The following AGAP1 variants were observed in gnomAD, a reference collection of about 807,000 sequenced individuals.
AGAP1 encodes arf-GAP with GTPase, ANK repeat and PH domain-containing protein 1.
In AGAP1, 29 loss-of-function variants were observed where a neutral mutation model predicts 105.3. The ratio of observed to expected loss-of-function variants is 0.28; its 90% confidence interval spans 0.21 to 0.38. The LOEUF is 0.38. Among genes scored for constraint, AGAP1 ranks in the 10% least tolerant of loss-of-function variants. The pLI, the probability that AGAP1 is intolerant of heterozygous loss-of-function variation, is 1.00. For missense variants in AGAP1, 998 were observed against 1,165.1 expected (o/e 0.86, Z 2.09); for synonymous variants, 509 against 485.9 (o/e 1.05, Z -0.63).
intron 12 of AGAP1, among the ~76,000 whole-genome samples, chr2:235,939,460 G>A (rs974258576): frequency 6.6e-5 from 10 of 151,966 alleles, no homozygotes; most frequent in East Asian, 1.9e-4. Flanking sequence ...CCAGGTATTG[G>A]ATCACTCCCT....
intron 13 of AGAP1, among the ~76,000 whole-genome samples, chr2:236,018,520 T>C (rs1225973901): frequency 6.6e-6 from 1 of 152,230 alleles, no homozygotes; most frequent in Non-Finnish European, 1.5e-5. Context: ...TATCATCCGC[T>C]GTGAGTTGGG....
At chr2:235,834,479 C>T (rs554108126) in intron 9 of AGAP1, among the ~76,000 whole-genome samples, 2 of 152,326 alleles carry the variant, frequency 1.3e-5, no homozygotes, top group South Asian at 2.1e-4. Context: ...GGCCACAGAG[C>T]CCGGTCTGTG....
chr2:235,769,263 G>A lies in AGAP1; in HGVS notation c.673+18775G>A, dbSNP rs917000767. Among the ~76,000 whole-genome samples, 1 of 152,208 alleles carries A rather than the reference G, an allele frequency of 6.6e-6. No individual in the cohort carries two copies. The highest frequency in any genetic ancestry group is 2.4e-5 in the African/African-American group (1 of 41,448). ...TCCAGGAGTACTCCTGGGATTGGTG[G>A]CAGGTCATGCAGTCATTGCTCACCA... On this transcript the variant is annotated intron_variant, in intron 6 of 17. Transcript: ENST00000304032. The surrounding 1 kb of genome is among the most constrained non-coding windows in gnomAD (Gnocchi z 4.4).
rs116207844 is a variant in AGAP1, at chr2:235,719,557, A to C, written c.310+1913A>C. 0.012 allele frequency among the ~76,000 whole-genome samples: 1,787 copies of C among 152,344 alleles called. 46 individuals are homozygous for C. Among genetic ancestry groups the C allele is most frequent in the African/African-American group, 0.039 (1,624 of 41,578 alleles). On this transcript the variant is annotated intron_variant, in intron 3 of 17. Transcript: ENST00000304032. The surrounding 1 kb of genome is among the most constrained non-coding windows in gnomAD (Gnocchi z 4.9). ...TCAAGTAATGCATTTTACTGCACTG[A>C]AATTTCATAGTATTGTGTATGGTTT...
chr2:235,748,587 A>G (rs1953160646), intron 5 of AGAP1, among the ~76,000 whole-genome samples: 1 of 152,230 alleles, frequency 6.6e-6, no homozygotes, highest in Non-Finnish European at 1.5e-5. Context: ...CCTTAACTGC[A>G]GAGTTCACTT....
chr2:235,862,104 G>A (rs2048950240), intron 9 of AGAP1, among the ~76,000 whole-genome samples: 1 of 152,132 alleles, frequency 6.6e-6, no homozygotes, highest in Admixed American at 6.5e-5. Flanking sequence ...AACTGCAGGA[G>A]TGCATTAGAC....
At chr2:235,571,233 C>T (rs749504627) in intron 1 of AGAP1, among the ~76,000 whole-genome samples, 2 of 152,236 alleles carry the variant, frequency 1.3e-5, no homozygotes, top group Non-Finnish European at 2.9e-5. Flanking sequence ...CCACCTCCAA[C>T]ACTGGGGGTT....
chr2:236,091,035 G>T (rs540961150), intron 16 of AGAP1, among the ~76,000 whole-genome samples: 1 of 152,242 alleles, frequency 6.6e-6, no homozygotes, highest in South Asian at 2.1e-4. Flanking sequence ...CACCGCACCG[G>T]CCGTAATCGT....
chr2:236,036,784 C>T lies in AGAP1; in HGVS notation c.1800+69C>T, dbSNP rs984168236. 5.9e-5 allele frequency: 94 copies of T among 1,580,770 alleles called. 2 individuals carry two copies. The South Asian group carries it at 7.0e-4, about 12-fold the overall frequency. ...GGGGAGTGCGGGCCCCAAGTAATGC[C>T]CCAGGGAGGAGAAAATAGAGGACCA... On this transcript the variant is annotated intron_variant, in intron 14 of 17. Coordinates refer to ENST00000304032, the MANE Select transcript of AGAP1 (RefSeq NM_001037131.3). This position sits in a 1 kb window ranked among gnomAD's most constrained non-coding sequence, Gnocchi z 5.7.
intron 16 of AGAP1, among the ~76,000 whole-genome samples, chr2:236,099,191 G>A (rs1238134931): frequency 6.6e-6 from 1 of 151,962 alleles, no homozygotes; most frequent in African/African-American, 2.4e-5. Flanking sequence ...GGTGGCTCAC[G>A]CCTGTAATCC....
rs1026088402 is a variant in AGAP1, at chr2:235,830,707, C to T, written c.1050+23376C>T. Among the ~76,000 whole-genome samples, 2 of 152,212 alleles carry T rather than the reference C, an allele frequency of 1.3e-5. No homozygotes were observed. The highest frequency in any genetic ancestry group is 2.9e-5 in the Non-Finnish European group (2 of 68,044). ...ACGGTGTGCGGCCCCAAGCCACTAA[C>T]ACAGCACTCCTAGTGTTCCTCACAG... is the stretch of plus-strand genomic sequence containing the variant. On this transcript the variant is annotated intron_variant, in intron 9 of 17. Coordinates refer to ENST00000304032, the MANE Select transcript of AGAP1 (RefSeq NM_001037131.3). The surrounding 1 kb of genome is among the most constrained non-coding windows in gnomAD (Gnocchi z 5.5).
At chr2:235,948,174 T>TG (rs1318184593) in intron 12 of AGAP1, among the ~76,000 whole-genome samples, 3 of 152,244 alleles carry the variant, frequency 2.0e-5, no homozygotes, top group South Asian at 2.1e-4. Flanking sequence ...CTGGGGTTTT[T>TG]TTTGTTTGTT....
rs558626981 is a variant in AGAP1, at chr2:235,789,586, T to C, written c.674-8173T>C. On this transcript the variant is annotated intron_variant, in intron 6 of 17. Coordinates refer to ENST00000304032, the MANE Select transcript of AGAP1 (RefSeq NM_001037131.3). This position sits in a 1 kb window ranked among gnomAD's most constrained non-coding sequence, Gnocchi z 4.2. ...AGAAATTTAAGCAAGCTTGGCTTTT[T>C]AACCACAGCCTATTTTAGATTAGAG... Among the ~76,000 whole-genome samples, 6 of 152,340 alleles carry C rather than the reference T, an allele frequency of 3.9e-5. No homozygotes were observed. The East Asian group carries it at 1.2e-3, about 29-fold the overall frequency.
chr2:235,968,821 A>G (rs1446044106), intron 13 of AGAP1, among the ~76,000 whole-genome samples, 198 bp downstream of exon 13: 1 of 152,084 alleles, frequency 6.6e-6, no homozygotes, highest in Admixed American at 6.5e-5. Flanking sequence ...ATATTACGCA[A>G]CCAAATCTGC....
In AGAP1 at chr2:236,017,222, G is replaced by A. The variant is rs2056734966; in HGVS notation, c.1646-19339G>A. 2.0e-5 allele frequency among the ~76,000 whole-genome samples: 3 copies of A among 151,590 alleles called. No individual in the cohort carries two copies. The South Asian group carries it at 6.3e-4, about 32-fold the overall frequency. On this transcript the variant is annotated intron_variant, in intron 13 of 17. Transcript: ENST00000304032. Reference sequence around the variant, plus strand: ...GCAGGAGAATCGCTTGAACCCAGGAGGCGGAGGTTGCAGTGAGCCAAGATC... The same window carrying A: ...GCAGGAGAATCGCTTGAACCCAGGAAGCGGAGGTTGCAGTGAGCCAAGATC...
intron 9 of AGAP1, among the ~76,000 whole-genome samples, chr2:235,826,403 G>A (rs571795473): frequency 3.9e-5 from 6 of 152,224 alleles, no homozygotes; most frequent in East Asian, 1.9e-4. Flanking sequence ...TTCTACTTTC[G>A]TCTCCGTTGC....
intron 13 of AGAP1, among the ~76,000 whole-genome samples, chr2:236,025,459 A>C (rs2057020908): frequency 6.6e-6 from 1 of 152,210 alleles, no homozygotes. Context: ...TCATCTGCTA[A>C]AAATTCTTCT....
rs1231463408 is a variant in AGAP1 at position 235,887,505 on chromosome 2, C to G, written c.1155+4056C>G. Among the ~76,000 whole-genome samples, 1 of 152,216 alleles carries G rather than the reference C, an allele frequency of 6.6e-6. No individual in the cohort carries two copies. Among genetic ancestry groups the G allele is most frequent in the Non-Finnish European group, 1.5e-5 (1 of 68,032 alleles). ...GACCAGAATAACTCCCTGTTTTACA[C>G]TAGAGGAAAATGTTATCTGGTTTCT... is the stretch of plus-strand genomic sequence containing the variant. On this transcript the variant is annotated intron_variant, in intron 10 of 17. Coordinates refer to ENST00000304032, the MANE Select transcript of AGAP1 (RefSeq NM_001037131.3). The surrounding 1 kb of genome is among the most constrained non-coding windows in gnomAD (Gnocchi z 4.1).
intron 16 of AGAP1, among the ~76,000 whole-genome samples, chr2:236,106,829 C>G (rs2059509136): frequency 6.6e-6 from 1 of 152,162 alleles, no homozygotes; most frequent in Non-Finnish European, 1.5e-5. Flanking sequence ...GAGAGAGAAG[C>G]CAAGAACCCC....
Sources: gnomAD v4.1 joint callset for allele counts (sites outside exome capture counted in the v4.1 genomes callset) on GRCh38, gnomAD v4.1.1 for gene constraint, Gnocchi (gnomAD v3.1) non-coding constraint, MANE v1.5 for transcripts, NCBI Gene and HGNC (gene_info 2026-07-23, HGNC 2026-07-21) for gene names.